PTPRQ: variants seen among roughly 807,000 people sequenced by gnomAD.
The protein encoded by PTPRQ is protein tyrosine phosphatase receptor type Q, also known as phosphatidylinositol phosphatase PTPRQ.
A neutral mutation model predicts 246.0 loss-of-function variants in PTPRQ; 199 were observed. That is an observed-to-expected ratio of 0.81 (90% CI 0.72 to 0.91). The LOEUF (loss-of-function observed/expected upper bound fraction) is 0.91. Ranked by LOEUF, PTPRQ falls within the 40% of genes least tolerant of loss-of-function variation. The probability of loss-of-function intolerance (pLI) is 0.00; values close to 1 mark genes in which losing one functional copy is unlikely to be tolerated. For missense variants in PTPRQ, 2,624 were observed against 2,528.4 expected, an observed-to-expected ratio of 1.04 and a Z score of -0.81; for synonymous variants, 869 against 853.2, an observed-to-expected ratio of 1.02 and a Z score of -0.32.
At chr12:80,620,444 T>C (rs1898938485) in intron 32 of PTPRQ, 68 bp downstream of exon 32, 1 of 1,531,576 alleles carries the variant, frequency 6.5e-7, no homozygotes, top group African/African-American at 1.4e-5. Flanking sequence ...TCCATCCATC[T>C]GCCTGTCCTT....
chr12:80,625,870 C>T (rs1355710975), intron 33 of PTPRQ, among the ~76,000 whole-genome samples: 1 of 152,078 alleles, frequency 6.6e-6, no homozygotes, highest in Non-Finnish European at 1.5e-5. Context: ...TTGAAAAAAT[C>T]TTCCCTAGGC....
intron 35 of PTPRQ, among the ~76,000 whole-genome samples, chr12:80,644,728 ATCAG>A (rs1181623964): frequency 6.6e-6 from 1 of 152,066 alleles, no homozygotes; most frequent in Non-Finnish European, 1.5e-5. Flanking sequence ...CTCTCTATAA[ATCAG>A]TCAAATTAAT....
chr12:80,578,239 G>A, intron 25 of PTPRQ, among the ~76,000 whole-genome samples: 1 of 107,500 alleles, frequency 9.3e-6, no homozygotes, highest in Non-Finnish European at 1.8e-5. Context: ...CCCCACAACA[G>A]GCCCCGGTGT....
At chr12:80,467,598 C>G (rs187662668) in intron 6 of PTPRQ, among the ~76,000 whole-genome samples, 9 of 151,812 alleles carry the variant, frequency 5.9e-5, no homozygotes, top group South Asian at 2.1e-4. Flanking sequence ...CAAAGACTTG[C>G]AACCAACCCA....
chr12:80,529,784 T>C (rs1895791238), intron 17 of PTPRQ, among the ~76,000 whole-genome samples: 1 of 152,200 alleles, frequency 6.6e-6, no homozygotes, highest in South Asian at 2.1e-4. Flanking sequence ...CTACATCTTG[T>C]ATTTTTACAG....
chr12:80,544,550 T>C (rs1896248472), intron 23 of PTPRQ, among the ~76,000 whole-genome samples: 1 of 152,208 alleles, frequency 6.6e-6, no homozygotes, highest in East Asian at 1.9e-4. Flanking sequence ...TTTTAAAATC[T>C]ACTGCGTCAT....
intron 6 of PTPRQ, chr12:80,465,257 G>T (rs544258636): frequency 6.6e-6 from 1 of 152,336 alleles, no homozygotes; most frequent in South Asian, 2.1e-4. Context: ...AAATCTAGAA[G>T]AAATGGATAA....
At chr12:80,668,709 A>G (rs1900867192) in intron 39 of PTPRQ, among the ~76,000 whole-genome samples, 1 of 151,912 alleles carries the variant, frequency 6.6e-6, no homozygotes, top group Non-Finnish European at 1.5e-5. Context: ...TGCTACAAAG[A>G]CTCAGACTTA....
At chr12:80,507,019 G>C (rs896832574) in intron 16 of PTPRQ, among the ~76,000 whole-genome samples, 1 of 151,902 alleles carries the variant, frequency 6.6e-6, no homozygotes. Context: ...TTTAAGAATA[G>C]ACATTAACAT....
At chr12:80,538,135 ATTAG>A (rs1185519621) in intron 19 of PTPRQ, among the ~76,000 whole-genome samples, 1 of 152,098 alleles carries the variant, frequency 6.6e-6, no homozygotes, top group African/African-American at 2.4e-5. Context: ...TTAAATGAAT[ATTAG>A]TTGGTTGGTC....
intron 27 of PTPRQ, among the ~76,000 whole-genome samples, chr12:80,609,844 C>T (rs1393197988): frequency 1.3e-5 from 2 of 150,450 alleles, no homozygotes; most frequent in African/African-American, 4.9e-5. Context: ...TCATAAGATA[C>T]GTATATATTT....
At position 80,680,187 on chromosome 12, in the gene PTPRQ, A is replaced by G. The variant is rs946224700; in HGVS notation, c.*1164A>G. On this transcript the variant is annotated 3_prime_UTR_variant, in exon 45 of 45. Transcript: ENST00000644991. ...TAAATAGTATTAATTATTCTCTTCT[A>G]TGATAAGAAGTATATCTTATGCTTA... 1 of 151,726 alleles carries G rather than the reference A, an allele frequency of 6.6e-6. No individual in the cohort carries two copies. The allele number at this position is 151,726 out of a possible 1,614,324, so 9.4% of individuals were successfully genotyped here.
intron 8 of PTPRQ, among the ~76,000 whole-genome samples, chr12:80,473,648 C>CA (rs1162748894): frequency 2.6e-5 from 4 of 152,138 alleles, no homozygotes; most frequent in Admixed American, 6.6e-5. Context: ...CAGCATGTGA[C>CA]AAAAATAGGG....
At chr12:80,613,231 G>A (rs1307412805) in intron 28 of PTPRQ, among the ~76,000 whole-genome samples, 2 of 150,488 alleles carry the variant, frequency 1.3e-5, no homozygotes, top group African/African-American at 2.4e-5. Context: ...AAAGTTAAAT[G>A]GTATGTCCTG....
At chr12:80,576,404 G>T (rs1212783303) in intron 25 of PTPRQ, among the ~76,000 whole-genome samples, 1 of 151,900 alleles carries the variant, frequency 6.6e-6, no homozygotes, top group Non-Finnish European at 1.5e-5. Context: ...GCCTCCCAAA[G>T]TGTTGGGATT....
intron 23 of PTPRQ, among the ~76,000 whole-genome samples, chr12:80,546,014 G>A (rs1896294204): frequency 6.6e-6 from 1 of 152,036 alleles, no homozygotes; most frequent in East Asian, 1.9e-4. Context: ...AAACACTCTA[G>A]TTTTTTAAAA....
intron 35 of PTPRQ, among the ~76,000 whole-genome samples, chr12:80,637,311 T>A (rs907564560): frequency 6.6e-6 from 1 of 152,142 alleles, no homozygotes; most frequent in African/African-American, 2.4e-5. Flanking sequence ...TAATTCAGGG[T>A]CTACTTTATT....
intron 25 of PTPRQ, among the ~76,000 whole-genome samples, chr12:80,580,121 C>T (rs1897388938): frequency 6.6e-6 from 1 of 152,132 alleles, no homozygotes; most frequent in African/African-American, 2.4e-5. Context: ...AGAATAATTA[C>T]ATTTTATACA....
At chr12:80,480,110 T>C (rs1433040826) in intron 8 of PTPRQ, among the ~76,000 whole-genome samples, 154 of 152,182 alleles carry the variant, frequency 1.0e-3, no homozygotes, top group Non-Finnish European at 1.9e-3. Flanking sequence ...CAAAATTGAC[T>C]ACATACTTGG....
Sources: allele counts gnomAD v4.1 joint callset (sites outside exome capture counted in the v4.1 genomes callset), GRCh38; gene constraint gnomAD v4.1.1; transcripts MANE v1.5; gene names NCBI Gene and HGNC (gene_info 2026-07-23, HGNC 2026-07-21).